SCAF1: variants seen among roughly 807,000 people sequenced by gnomAD.
The protein encoded by SCAF1 is SR-related CTD associated factor 1.
Under a neutral mutation model 91.2 loss-of-function variants are expected in SCAF1, and 28 were observed. The ratio of observed to expected loss-of-function variants is 0.31; its 90% CI spans 0.23 to 0.42. SCAF1 has a LOEUF of 0.42. SCAF1 is among the 10% of genes least tolerant of loss of function. The pLI, the probability that SCAF1 is intolerant of heterozygous loss-of-function variation, is 1.00. For synonymous variants in SCAF1, 1,036 were observed against 833.7 expected (o/e 1.24, Z -4.18); for missense variants, 1,893 against 1,872.1 (o/e 1.01, Z -0.21).
rs753676731 is a variant in SCAF1 at position 49,651,238 on chromosome 19, CGAG to C, written c.861_863del (p.Glu288del). On this transcript the variant is annotated inframe_deletion, in exon 7 of 11. Coordinates refer to ENST00000360565, the MANE Select transcript of SCAF1 (RefSeq NM_021228.3). ...AGGAAGAAGAAGAGGAAGAGGAAGACGAGGAGGAGGAGGAAGGCCTGTCCCAGA... is the reference window on the plus strand; with the variant it reads ...AGGAAGAAGAAGAGGAAGAGGAAGACGAGGAGGAGGAAGGCCTGTCCCAGA... 2.0e-5 allele frequency: 32 copies of C among 1,611,656 alleles called. No individual in the cohort carries two copies. Among genetic ancestry groups the C allele is most frequent in the Middle Eastern group, 1.6e-4 (1 of 6,078 alleles).
chr19:49,654,234 G>T, intron 7 of SCAF1, 115 bp from the exon 8 acceptor site: 4 of 834,228 alleles, frequency 4.8e-6, no homozygotes, highest in Non-Finnish European at 3.9e-6. Flanking sequence ...GTGAGGCTTT[G>T]TGGCTGTTCT....
chr19:49,651,219 A>AGG lies in SCAF1; in HGVS notation c.830_831insGG (p.Glu279LysfsTer33), dbSNP rs2081085626. The AGG allele has an allele frequency of 6.2e-7, 1 of 1,612,892 alleles. No homozygotes were observed. The highest frequency in any genetic ancestry group is 1.3e-5 in the African/African-American group (1 of 74,670). On this transcript the variant is annotated frameshift_variant, in exon 7 of 11. Coordinates refer to ENST00000360565, the MANE Select transcript of SCAF1 (RefSeq NM_021228.3). LOFTEE classifies it high-confidence loss of function. ...GAGGAAGAGGAGGAGGAAGAGGAAG[A>AGG]AGAAGAGGAAGAGGAAGACGAGGAG... is the stretch of plus-strand genomic sequence containing the variant.
In SCAF1 at chr19:49,652,896, A is replaced by C. The variant is rs1173566401; in HGVS notation, c.2507A>C (p.Lys836Thr). ...CSSRKVKLQS[K>T]VAVLIREGVS... Reference sequence around the variant, plus strand: ...TCCCGGAAGGTGAAGCTGCAGTCCAAGGTGGCGGTGCTGATCCGCGAGGGT... The same window carrying C: ...TCCCGGAAGGTGAAGCTGCAGTCCACGGTGGCGGTGCTGATCCGCGAGGGT... Residue 836 changes from lysine (K) to threonine (T), a missense_variant, in exon 7 of 11, where the codon AAG becomes ACG. Lys to Thr is a moderately conservative substitution (Grantham distance 78, BLOSUM62 -1). Coordinates refer to ENST00000360565, the MANE Select transcript of SCAF1 (RefSeq NM_021228.3). The C allele has an allele frequency of 1.2e-6, 2 of 1,613,964 alleles. No individual in the cohort carries two copies. The highest frequency in any genetic ancestry group is 3.3e-5 in the Admixed American group (2 of 60,014).
intron 1 of SCAF1, chr19:49,644,744 T>C (rs2081044791): frequency 3.4e-6 from 1 of 293,522 alleles, no homozygotes; most frequent in Non-Finnish European, 6.4e-6. Context: ...AGGAGTGAGA[T>C]GTTAAAAGCG....
Position 49,652,844 on chromosome 19 carries a change from T to G in SCAF1, c.2455T>G (p.Ser819Ala). Residue 819 changes from serine to alanine, a missense_variant, in exon 7 of 11, where the codon TCT (serine) becomes GCT (alanine). Coordinates refer to ENST00000360565, the MANE Select transcript of SCAF1 (RefSeq NM_021228.3). Reference protein sequence around the residue: ...PKPPVSSGSGSSSSSSSCSSR... With the variant: ...PKPPVSSGSGASSSSSSCSSR... ...GCCACCAGTCAGCAGCGGCTCAGGC[T>G]CTTCATCCTCGTCGTCCTCCTGTTC... is the stretch of plus-strand genomic sequence containing the variant. 6.2e-7 allele frequency: 1 copy of G among 1,613,916 alleles called. No homozygotes were observed. The highest frequency in any genetic ancestry group is 8.5e-7 in the Non-Finnish European group (1 of 1,179,968).
rs201490124 is a variant in SCAF1 at position 49,653,371 on chromosome 19, C to T, written c.2982C>T (p.Thr994=). 111 of 1,515,866 alleles carry T rather than the reference C, an allele frequency of 7.3e-5. No homozygotes were observed. Among genetic ancestry groups the T allele is most frequent in the East Asian group, 2.1e-4 (9 of 42,500 alleles). 93.9% of individuals were successfully genotyped at this position (1,515,866 alleles called of 1,614,324 possible). Residue 994 remains threonine, a synonymous_variant, in exon 7 of 11, where the codon ACC becomes ACT. Coordinates refer to ENST00000360565, the MANE Select transcript of SCAF1 (RefSeq NM_021228.3). ...PPPALTPDSQ[T]VDSSCKTPEV... ...CTGCCCTCACTCCGGACTCGCAGACCGTGGACAGCAGCTGCAAGACACCTG... is the reference window on the plus strand; with the variant it reads ...CTGCCCTCACTCCGGACTCGCAGACTGTGGACAGCAGCTGCAAGACACCTG...
At chr19:49,654,055 G>C (rs2081122824) in intron 7 of SCAF1, among the ~76,000 whole-genome samples, 2 of 152,170 alleles carry the variant, frequency 1.3e-5, no homozygotes, top group Non-Finnish European at 2.9e-5. Flanking sequence ...GGTGGGGAGA[G>C]AGGTTGGGAC....
chr19:49,651,433 G>T lies in SCAF1; in HGVS notation c.1044G>T (p.Met348Ile). 2 of 1,598,310 alleles carry T rather than the reference G, an allele frequency of 1.3e-6. No individual in the cohort carries two copies. Among genetic ancestry groups the T allele is most frequent in the South Asian group, 1.1e-5 (1 of 89,574 alleles). Residue 348 changes from methionine (M) to isoleucine (I), a missense_variant, in exon 7 of 11, where the codon ATG becomes ATT. Met to Ile is a conservative substitution (Grantham distance 10). Coordinates refer to ENST00000360565, the MANE Select transcript of SCAF1 (RefSeq NM_021228.3). The stretch of plus-strand genomic sequence containing the variant: ...ACTCCACCCGGGCTGATGGAGCCAT[G>T]CGCCGGCGGGTCTTCGTGGTGGGGA... ...QVDSTRADGA[M>I]RRRVFVVGTE...
rs1186204554 is a variant in SCAF1 at position 49,642,365 on chromosome 19, G to C, written c.-7+123G>C. 2 of 152,258 alleles carry C rather than the reference G, an allele frequency of 1.3e-5. No individual in the cohort carries two copies. The highest frequency in any genetic ancestry group is 1.3e-4 in the Admixed American group (2 of 15,284). The allele number at this position is 152,258 out of a possible 1,614,324, so 9.4% of individuals were successfully genotyped here. On this transcript the variant is annotated intron_variant, in intron 1 of 10. Coordinates refer to ENST00000360565, the MANE Select transcript of SCAF1 (RefSeq NM_021228.3). The surrounding 1 kb of genome is among the most constrained non-coding windows in gnomAD (Gnocchi z 4.0). Reference sequence around the variant, plus strand: ...GCCACGGGTCCTAGAGGGCTTCTCGGGGCGGTCTCGGGCCCGGCAGCTGCG... The same window carrying C: ...GCCACGGGTCCTAGAGGGCTTCTCGCGGCGGTCTCGGGCCCGGCAGCTGCG...
chr19:49,658,397 T>C lies in SCAF1; in HGVS notation c.3937T>C (p.Ter1313ArgextTer12). Reference protein sequence around the residue: ...GGPGLPLPPL* With the variant: ...GGPGLPLPPLR Reference sequence around the variant, plus strand: ...CCCGGGCCTGCCCCTGCCCCCTCTCTGAGAGCCCTGGCCAGCTCTTCGCCC... The same window carrying C: ...CCCGGGCCTGCCCCTGCCCCCTCTCCGAGAGCCCTGGCCAGCTCTTCGCCC... The change falls in exon 11 of 11, where the codon TGA (stop) becomes CGA (arginine). Residue 1313 changes from the stop codon to arginine (R), a stop_lost. Transcript: ENST00000360565. The C allele has an allele frequency of 6.5e-7, 1 of 1,532,376 alleles. No individual in the cohort carries two copies. The highest frequency in any genetic ancestry group is 8.8e-7 in the Non-Finnish European group (1 of 1,137,226). 94.9% of individuals were successfully genotyped at this position (1,532,376 alleles called of 1,614,324 possible).
In SCAF1 at chr19:49,653,324, C is replaced by G. The variant is rs200775447; in HGVS notation, c.2935C>G (p.Pro979Ala). Residue 979 changes from proline to alanine, a missense_variant, in exon 7 of 11, where the codon CCC (proline) becomes GCC (alanine). Pro to Ala is a conservative substitution (Grantham distance 27). This residue lies in a region of SCAF1 where 1,436 missense variants were observed against 1,306.8 expected (regional missense o/e 1.10). Transcript: ENST00000360565. ...RAAKVPSTPP[P>A]KAAPPPPALT... The stretch of plus-strand genomic sequence containing the variant: ...AGCCAAGGTTCCTAGCACCCCGCCC[C>G]CCAAGGCAGCCCCACCACCCCCTGC... 709 of 1,467,726 alleles carry G rather than the reference C, an allele frequency of 4.8e-4. 1 individual carries two copies. Among genetic ancestry groups the G allele is most frequent in the Non-Finnish European group, 6.2e-4 (686 of 1,107,896 alleles). The allele number at this position is 1,467,726 out of a possible 1,614,324, so 90.9% of individuals were successfully genotyped here. A position where few individuals can be genotyped will look rare whatever the true frequency, so the allele number is the denominator to read the frequency against.
Position 49,651,338 on chromosome 19 carries a change from G to A in SCAF1, c.949G>A (p.Asp317Asn). 6.2e-7 allele frequency: 1 copy of A among 1,609,160 alleles called. No homozygotes were observed. The highest frequency in any genetic ancestry group is 8.5e-7 in the Non-Finnish European group (1 of 1,179,826). Reference sequence around the variant, plus strand: ...CAGCCTGAGCCAGGACTTCCCAGGTGACGAGAGCCCCCGCCCGGACGCGCA... The same window carrying A: ...CAGCCTGAGCCAGGACTTCCCAGGTAACGAGAGCCCCCGCCCGGACGCGCA... Reference protein sequence around the residue: ...DNSLSQDFPGDESPRPDAQPT... With the variant: ...DNSLSQDFPGNESPRPDAQPT... Residue 317 changes from aspartate to asparagine, a missense_variant, in exon 7 of 11, where the codon GAC becomes AAC. By Grantham distance (23) the Asp-to-Asn change is conservative. This residue lies in a region of SCAF1 where 1,436 missense variants were observed against 1,306.8 expected (regional missense o/e 1.10). Transcript: ENST00000360565.
intron 1 of SCAF1, among the ~76,000 whole-genome samples, chr19:49,643,340 C>T (rs2081037609): frequency 6.6e-6 from 1 of 152,178 alleles, no homozygotes; most frequent in Non-Finnish European, 1.5e-5. Flanking sequence ...ATGTATTTAA[C>T]ATTATATAAC....
chr19:49,657,658 G>A, intron 9 of SCAF1, 103 bp from the exon 10 acceptor site: 4 of 1,379,888 alleles, frequency 2.9e-6, no homozygotes, highest in South Asian at 1.4e-5. Context: ...GCAGCTGGAC[G>A]GCCAGAGAGG....
Position 49,651,297 on chromosome 19 carries a change from G to T in SCAF1, c.908G>T (p.Gly303Val). The T allele has an allele frequency of 6.2e-7, 1 of 1,611,068 alleles. No homozygotes were observed. Residue 303 changes from glycine to valine, a missense_variant, in exon 7 of 11, where the codon GGC (glycine) becomes GTC (valine). Physicochemically the swap from Gly to Val is moderately radical, Grantham distance 109. Coordinates refer to ENST00000360565, the MANE Select transcript of SCAF1 (RefSeq NM_021228.3). Reference protein sequence around the residue: ...SISRISETLAGIYDDNSLSQD... With the variant: ...SISRISETLAVIYDDNSLSQD... ...AGCCGCATCTCGGAGACCCTGGCGG[G>T]CATCTACGATGACAACAGCCTGAGC... is the stretch of plus-strand genomic sequence containing the variant.
Position 49,651,951 on chromosome 19 carries a change from G to A in SCAF1, c.1562G>A (p.Arg521Gln). Residue 521 changes from arginine to glutamine, a missense_variant, in exon 7 of 11, where the codon CGG becomes CAG. Arg to Gln is a conservative substitution (Grantham distance 43). This residue lies in a region of SCAF1 where 1,436 missense variants were observed against 1,306.8 expected (regional missense o/e 1.10). Transcript: ENST00000360565. ...CCGCCCACGCGCAAGAAGTCCAGGC[G>A]GGAACGCAAGCGCAGCGGCGAGGCC... is the stretch of plus-strand genomic sequence containing the variant. ...AGPPTRKKSR[R>Q]ERKRSGEAKE... 1 of 1,199,094 alleles carries A rather than the reference G, an allele frequency of 8.3e-7. No homozygotes were observed. The highest frequency in any genetic ancestry group is 1.0e-6 in the Non-Finnish European group (1 of 956,652). 74.3% of individuals were successfully genotyped at this position (1,199,094 alleles called of 1,614,324 possible).
In SCAF1 at chr19:49,642,795, A is replaced by G. The variant is rs899765845; in HGVS notation, c.-7+553A>G. On this transcript the variant is annotated intron_variant, in intron 1 of 10. Transcript: ENST00000360565. This position sits in a 1 kb window ranked among gnomAD's most constrained non-coding sequence, Gnocchi z 4.0. ...AAGTCTGGGGCCATTTATCAGGCCT[A>G]GAAGGAGTGTTCAAGGGCTAAGAAG... is the stretch of plus-strand genomic sequence containing the variant. 2 of 152,284 alleles carry G rather than the reference A, an allele frequency of 1.3e-5. No individual in the cohort carries two copies. The highest frequency in any genetic ancestry group is 4.8e-5 in the African/African-American group (2 of 41,450). The allele number at this position is 152,284 out of a possible 1,614,324, so 9.4% of individuals were successfully genotyped here. A position where few individuals can be genotyped will look rare whatever the true frequency, so the allele number is the denominator to read the frequency against.
At chr19:49,641,580 G>A (rs1256008437), upstream of SCAF1, among the ~76,000 whole-genome samples, 1 of 152,188 alleles carries the variant, frequency 6.6e-6, no homozygotes, top group Non-Finnish European at 1.5e-5. Context: ...GCCTCCCAAA[G>A]TGCTGGGATT....
rs1022552044 is a variant in SCAF1 at position 49,652,912 on chromosome 19, C to T, written c.2523C>T (p.Ile841=). 2.3e-5 allele frequency: 37 copies of T among 1,613,758 alleles called. No homozygotes were observed. Among genetic ancestry groups the T allele is most frequent in the Non-Finnish European group, 2.9e-5 (34 of 1,179,988 alleles). Residue 841 remains isoleucine (I), a synonymous_variant, in exon 7 of 11, where the codon ATC becomes ATT. Transcript: ENST00000360565. The stretch of plus-strand genomic sequence containing the variant: ...TGCAGTCCAAGGTGGCGGTGCTGAT[C>T]CGCGAGGGTGTCAGCAGCACCACCC... The part of the protein sequence containing the change: ...VKLQSKVAVL[I]REGVSSTTPA...
Sources: gnomAD v4.1 joint callset for allele counts (sites outside exome capture counted in the v4.1 genomes callset) on GRCh38, gnomAD v4.1.1 for gene constraint, gnomAD v4.1.1 regional missense constraint, Gnocchi (gnomAD v3.1) non-coding constraint, MANE v1.5 for transcripts, NCBI Gene and HGNC (gene_info 2026-07-23, HGNC 2026-07-21) for gene names.